The following MACROD2 variants were observed in gnomAD, a reference collection of about 807,000 sequenced individuals.
MACROD2 encodes ADP-ribose glycohydrolase MACROD2.
In MACROD2, 36 loss-of-function variants were observed where a neutral mutation model predicts 70.4. The observed-to-expected ratio is 0.51, with a 90% CI of 0.39 to 0.68. The LOEUF (loss-of-function observed/expected upper bound fraction) is 0.68, where lower values mean the gene tolerates loss of function less well. MACROD2 is among the 30% of genes least tolerant of loss of function. MACROD2 has a pLI of 0.00. For synonymous variants in MACROD2, 172 were observed against 178.8 expected, an observed-to-expected ratio of 0.96 and a Z score of 0.30; for missense variants, 496 against 538.4, an observed-to-expected ratio of 0.92 and a Z score of 0.78.
intron 5 of MACROD2, among the ~76,000 whole-genome samples, chr20:14,886,828 A>G (rs2073682410): frequency 6.6e-6 from 1 of 152,198 alleles, no homozygotes; most frequent in Admixed American, 6.5e-5. Context: ...ACAGAAAGTG[A>G]CAGAGAGAGA....
chr20:14,993,479 T>C (rs2074923963), intron 5 of MACROD2, among the ~76,000 whole-genome samples: 2 of 152,168 alleles, frequency 1.3e-5, no homozygotes, highest in East Asian at 1.9e-4. Context: ...CTTTATATGA[T>C]ACTAATCCAA....
Position 15,533,266 on chromosome 20 carries a change from A to T in MACROD2, c.645+33419A>T, listed in dbSNP as rs567790252. Among the ~76,000 whole-genome samples the T allele has an allele frequency of 1.2e-3, 185 of 152,310 alleles. 2 individuals carry two copies. In the South Asian group the frequency reaches 0.027, roughly 22 times the overall value. On this transcript the variant is annotated intron_variant, in intron 8 of 17. Coordinates refer to ENST00000684519, the MANE Select transcript of MACROD2 (RefSeq NM_001351661.2). ...ATAAAATGGTATTTTCCTTGGGAAG[A>T]ACAATTTTGGTGGTCCCATTGTAGA...
chr20:14,395,320 G>A (rs1021468324), intron 3 of MACROD2, among the ~76,000 whole-genome samples: 1 of 151,906 alleles, frequency 6.6e-6, no homozygotes, highest in African/African-American at 2.4e-5. Context: ...AGCAAGGTTT[G>A]GTAGTTCAAG....
At chr20:15,451,564 G>C (rs888815568) in intron 7 of MACROD2, among the ~76,000 whole-genome samples, 1 of 151,796 alleles carries the variant, frequency 6.6e-6, no homozygotes, top group African/African-American at 2.4e-5. Context: ...TTTTTGCCAA[G>C]CAGTCTGAGA....
chr20:15,405,206 AGGTGGT>A (rs1176882448), intron 6 of MACROD2, among the ~76,000 whole-genome samples: 1 of 149,876 alleles, frequency 6.7e-6, no homozygotes, highest in East Asian at 2.1e-4. Flanking sequence ...AATTAGGCAG[AGGTGGT>A]GGTGGTTGCA....
intron 5 of MACROD2, among the ~76,000 whole-genome samples, chr20:14,697,957 A>G (rs867800831): frequency 1.3e-5 from 2 of 152,212 alleles, no homozygotes; most frequent in Admixed American, 6.5e-5. Flanking sequence ...TATCTGCTAC[A>G]TAGTAAGCAA....
intron 8 of MACROD2, among the ~76,000 whole-genome samples, chr20:15,590,700 T>C (rs6514584): frequency 0.11 from 16,863 of 151,990 alleles, 1,863 homozygotes; most frequent in African/African-American, 0.28. Context: ...CTGGCCAACA[T>C]GGTGAAAACC....
intron 5 of MACROD2, among the ~76,000 whole-genome samples, chr20:14,992,893 G>A (rs927996512): frequency 2.6e-5 from 4 of 151,462 alleles, no homozygotes; most frequent in East Asian, 1.9e-4. Context: ...AGTCCATAAC[G>A]ATAGCTTTCT....
At chr20:14,346,878 A>C (rs1019100322) in intron 3 of MACROD2, among the ~76,000 whole-genome samples, 5 of 152,160 alleles carry the variant, frequency 3.3e-5, no homozygotes, top group Non-Finnish European at 5.9e-5. Context: ...GATCTCTTTT[A>C]CTATATTCTC....
chr20:15,317,626 A>G (rs1156897035), intron 6 of MACROD2, among the ~76,000 whole-genome samples: 1 of 151,960 alleles, frequency 6.6e-6, no homozygotes, highest in Non-Finnish European at 1.5e-5. Flanking sequence ...AAAGTTGAGA[A>G]TATAAGTTCC....
At chr20:14,017,559 A>G (rs530158576) in intron 2 of MACROD2, among the ~76,000 whole-genome samples, 9 of 152,112 alleles carry the variant, frequency 5.9e-5, no homozygotes, top group Non-Finnish European at 1.2e-4. Context: ...CATTTTCTAT[A>G]TAAGTTTAGA....
intron 6 of MACROD2, among the ~76,000 whole-genome samples, chr20:15,257,195 G>T (rs2146037636): frequency 6.6e-6 from 1 of 152,102 alleles, no homozygotes; most frequent in Middle Eastern, 3.4e-3. Flanking sequence ...ATACATACCT[G>T]TGAAACACCA....
chr20:14,181,779 A>G (rs1245267087), intron 3 of MACROD2, among the ~76,000 whole-genome samples: 1 of 152,136 alleles, frequency 6.6e-6, no homozygotes, highest in Non-Finnish European at 1.5e-5. Context: ...ACCTAGCATA[A>G]TGCTTTGAAG....
intron 3 of MACROD2, among the ~76,000 whole-genome samples, chr20:14,483,259 A>G (rs952493693): frequency 2.1e-4 from 32 of 152,180 alleles, no homozygotes; most frequent in Admixed American, 2.6e-4. Flanking sequence ...GATGAATGGA[A>G]GCAGAAAGCT....
chr20:15,933,104 A>C (rs964228598), intron 10 of MACROD2, among the ~76,000 whole-genome samples, 172 bp from the exon 11 acceptor site: 1 of 152,146 alleles, frequency 6.6e-6, no homozygotes, highest in Non-Finnish European at 1.5e-5. Context: ...AAATGCACTT[A>C]TTTATGTAGG....
chr20:15,586,835 T>C (rs990888439), intron 8 of MACROD2, among the ~76,000 whole-genome samples: 9 of 152,130 alleles, frequency 5.9e-5, no homozygotes, highest in African/African-American at 1.7e-4. Context: ...AGAAGCCCCA[T>C]TTTTCAAAAA....
intron 3 of MACROD2, among the ~76,000 whole-genome samples, chr20:14,178,589 G>A (rs914142540): frequency 6.6e-6 from 1 of 152,102 alleles, no homozygotes; most frequent in Non-Finnish European, 1.5e-5. Context: ...GAGTAGAAAT[G>A]GGTTGGAATA....
intron 5 of MACROD2, among the ~76,000 whole-genome samples, chr20:14,901,182 A>G (rs986349393): frequency 7.9e-5 from 12 of 152,098 alleles, no homozygotes; most frequent in Non-Finnish European, 1.5e-4. Context: ...TTTTACTTAT[A>G]GTAGATGCAG....
chr20:14,131,606 AAGG>A (rs1047830428), intron 3 of MACROD2, among the ~76,000 whole-genome samples: 1 of 152,212 alleles, frequency 6.6e-6, no homozygotes, highest in African/African-American at 2.4e-5. Flanking sequence ...ACACTAATGG[AAGG>A]AGAGTGTAGG....
Sources: allele counts gnomAD v4.1 joint callset (sites outside exome capture counted in the v4.1 genomes callset), GRCh38; gene constraint gnomAD v4.1.1; transcripts MANE v1.5; gene names NCBI Gene and HGNC (gene_info 2026-07-23, HGNC 2026-07-21).